The following LAMB1 variants were observed in gnomAD, a reference collection of about 807,000 sequenced individuals.
The protein encoded by LAMB1 is laminin subunit beta-1.
Under a neutral mutation model 222.3 loss-of-function variants are expected in LAMB1, and 121 were observed. The observed-to-expected ratio is 0.54, with a 90% CI of 0.47 to 0.63. The LOEUF (loss-of-function observed/expected upper bound fraction) is 0.63. Among genes scored for constraint, LAMB1 ranks in the 30% least tolerant of loss-of-function variants. The probability of loss-of-function intolerance (pLI) is 0.00; values close to 1 mark genes in which losing one functional copy is unlikely to be tolerated. For synonymous variants in LAMB1, 794 were observed against 807.2 expected, an observed-to-expected ratio of 0.98 and a Z score of 0.28; for missense variants, 2,172 against 2,240.8, an observed-to-expected ratio of 0.97 and a Z score of 0.62.
intron 24 of LAMB1, among the ~76,000 whole-genome samples, chr7:107,945,446 A>G (rs1345548330): frequency 6.6e-6 from 1 of 152,206 alleles, no homozygotes. Flanking sequence ...GCTTCACACA[A>G]TCTGGTGAAA....
chr7:107,932,189 T>G lies in LAMB1; in HGVS notation c.4377A>C (p.Glu1459Asp), dbSNP rs1187422133. ...ACTGAGTTACCATCTTGGAGAGCTGTTCCACTTCAGCCAGGGCACTCAGGA... is the reference window on the plus strand; with the variant it reads ...ACTGAGTTACCATCTTGGAGAGCTGGTCCACTTCAGCCAGGGCACTCAGGA... ...QDVLSALAEVEQLSKMVSEAK... is the reference protein window; with the variant it reads ...QDVLSALAEVDQLSKMVSEAK... The change falls in exon 28 of 34, where the codon GAA (glutamate) becomes GAC (aspartate). Residue 1459 changes from glutamate (E) to aspartate (D), a missense_variant. Physicochemically the swap from Glu to Asp is conservative, Grantham distance 45. Coordinates refer to ENST00000222399, the MANE Select transcript of LAMB1 (RefSeq NM_002291.3). 6.2e-7 allele frequency: 1 copy of G among 1,614,244 alleles called. No homozygotes were observed. The highest frequency in any genetic ancestry group is 8.5e-7 in the Non-Finnish European group (1 of 1,180,042).
In LAMB1 at chr7:107,940,123, G is replaced by T. The variant is rs1390718486; in HGVS notation, c.3627C>A (p.Ile1209=). 6.2e-7 allele frequency: 1 copy of T among 1,614,088 alleles called. No individual in the cohort carries two copies. Among genetic ancestry groups the T allele is most frequent in the Non-Finnish European group, 8.5e-7 (1 of 1,180,020 alleles). The change falls in exon 25 of 34, where the codon ATC becomes ATA. Residue 1209 remains isoleucine, a synonymous_variant. Coordinates refer to ENST00000222399, the MANE Select transcript of LAMB1 (RefSeq NM_002291.3). The stretch of plus-strand genomic sequence containing the variant: ...CACGGTAAGGCCCGATCACACCACT[G>T]ATCTTCAAGGCCTTGGCTTTCTCCA... The part of the protein sequence containing the change: ...RFLEKAKALK[I]SGVIGPYRET...
At chr7:107,987,855 G>A (rs1563006343) in intron 5 of LAMB1, among the ~76,000 whole-genome samples, 3 of 152,138 alleles carry the variant, frequency 2.0e-5, no homozygotes, top group Non-Finnish European at 2.9e-5. Flanking sequence ...GGGTGGAGGC[G>A]GCTGCACGTG....
Position 107,926,376 on chromosome 7 carries a change from T to C in LAMB1, c.4888-17A>G, listed in dbSNP as rs1195319284. ...AGACTCAATCTAAAAGCATGTCAAT[T>C]TTCCAGCAAGACATTAGTTTAAGAA... On this transcript the variant is annotated splice_polypyrimidine_tract_variant and intron_variant, in intron 31 of 33. Transcript: ENST00000222399. 1 of 1,607,890 alleles carries C rather than the reference T, an allele frequency of 6.2e-7. No homozygotes were observed. Among genetic ancestry groups the C allele is most frequent in the African/African-American group, 1.3e-5 (1 of 74,858 alleles).
At chr7:108,001,429 C>A in intron 3 of LAMB1, 129 bp downstream of exon 3, 1 of 1,037,416 alleles carries the variant, frequency 9.6e-7, no homozygotes, top group South Asian at 1.7e-5. Flanking sequence ...AGCCTAATCC[C>A]GGGACTCCCC....
chr7:107,958,088 G>A (rs2033415447), intron 20 of LAMB1, among the ~76,000 whole-genome samples: 1 of 152,032 alleles, frequency 6.6e-6, no homozygotes, highest in Admixed American at 6.5e-5. Context: ...TCTGCTCCCT[G>A]TTAATCTTTT....
At chr7:107,939,549 T>C (rs2032931326) in intron 25 of LAMB1, among the ~76,000 whole-genome samples, 1 of 152,186 alleles carries the variant, frequency 6.6e-6, no homozygotes, top group Non-Finnish European at 1.5e-5. Context: ...TATAAATCCT[T>C]TCATTACTTC....
In LAMB1 at chr7:107,926,346, G is replaced by GTTTCA. The variant is rs1392465205; in HGVS notation, c.4896_4900dup (p.Thr1634MetfsTer20). On this transcript the variant is annotated frameshift_variant, in exon 32 of 34. Coordinates refer to ENST00000222399, the MANE Select transcript of LAMB1 (RefSeq NM_002291.3). LOFTEE classifies it high-confidence loss of function. ...GAACAAGGTTTCCTCAGAAGCTGCT[G>GTTTCA]TTTCAGACTCAATCTAAAAGCATGT... The GTTTCA allele has an allele frequency of 1.2e-6, 2 of 1,613,524 alleles. No individual in the cohort carries two copies. Among genetic ancestry groups the GTTTCA allele is most frequent in the Non-Finnish European group, 1.7e-6 (2 of 1,179,614 alleles).
intron 25 of LAMB1, among the ~76,000 whole-genome samples, chr7:107,937,660 T>C (rs2032879161): frequency 6.6e-6 from 1 of 152,146 alleles, no homozygotes; most frequent in Admixed American, 6.5e-5. Context: ...GTTATACAAT[T>C]AGGCCTCCCA....
At chr7:107,949,302 G>A (rs546101115) in intron 24 of LAMB1, among the ~76,000 whole-genome samples, 13 of 152,332 alleles carry the variant, frequency 8.5e-5, no homozygotes, top group African/African-American at 2.2e-4. Context: ...TCTGACTCTG[G>A]GTAGCAGGCC....
In LAMB1 at chr7:107,962,707, C is replaced by CA. The variant is rs57580761; in HGVS notation, c.1857+197dup. Among the ~76,000 whole-genome samples the CA allele has an allele frequency of 0.013, 1,259 of 98,432 alleles. 12 individuals carry two copies. The highest frequency in any genetic ancestry group is 0.017 in the African/African-American group (485 of 28,228). The allele number at this position is 98,432 out of a possible 152,430, so 64.6% of individuals were successfully genotyped here. A position where few individuals can be genotyped will look rare whatever the true frequency, so the allele number is the denominator to read the frequency against. The stretch of plus-strand genomic sequence containing the variant: ...CCAGCCTGGACAACAGAGCGAGACT[C>CA]AAAAAAAAAAAAAAAAAAGAAAGAA... On this transcript the variant is annotated intron_variant, in intron 15 of 33. Transcript: ENST00000222399.
At position 107,961,334 on chromosome 7, in the gene LAMB1, C is replaced by T. The variant is rs746084601; in HGVS notation, c.1986-5G>A. ...GGCCGAGGAAGGACGACATATCTGC[C>T]CCCAAACAAAAAAGAAAGACAACAA... On this transcript the variant is annotated splice_region_variant and splice_polypyrimidine_tract_variant and intron_variant, in intron 16 of 33. Transcript: ENST00000222399. 8 of 1,608,410 alleles carry T rather than the reference C, an allele frequency of 5.0e-6. No individual in the cohort carries two copies. In the South Asian group the frequency reaches 7.8e-5, roughly 16 times the overall value.
chr7:107,985,927 A>G, intron 7 of LAMB1, 95 bp downstream of exon 7: 2 of 967,958 alleles, frequency 2.1e-6, no homozygotes, highest in Non-Finnish European at 3.2e-6. Context: ...ATTGCACTCC[A>G]GCCTGGGCAA....
chr7:107,956,348 C>T (rs2033376160), intron 20 of LAMB1, among the ~76,000 whole-genome samples: 1 of 152,250 alleles, frequency 6.6e-6, no homozygotes, highest in Non-Finnish European at 1.5e-5. Flanking sequence ...TAGCTTCAAT[C>T]ACAATCACCT....
At chr7:107,998,299 G>A in intron 4 of LAMB1, 58 bp downstream of exon 4, 1 of 1,568,882 alleles carries the variant, frequency 6.4e-7, no homozygotes, top group South Asian at 1.1e-5. Flanking sequence ...GAACCTGTAA[G>A]CTCCACCCAA....
intron 27 of LAMB1, among the ~76,000 whole-genome samples, chr7:107,932,850 G>A (rs2032746520): frequency 6.6e-6 from 1 of 152,180 alleles, no homozygotes; most frequent in Non-Finnish European, 1.5e-5. Flanking sequence ...TTCCCATCTA[G>A]TTAGGACTGG....
rs145328837 is a variant in LAMB1 at position 107,952,168 on chromosome 7, G to A, written c.3135C>T (p.Cys1045=). ...ACTGACCAGTGGCTTTGTCGCACTG[G>A]CAGTCAGAGCCGTTACAGTGCTCTT... ...TVQEHCNGSD[C]QCDKATGQCL... is the part of the protein sequence containing the mutation. Residue 1045 remains cysteine, a synonymous_variant, in exon 23 of 34, where the codon TGC becomes TGT. Transcript: ENST00000222399. The A allele has an allele frequency of 5.4e-5, 87 of 1,613,384 alleles. No individual in the cohort carries two copies. In the African/African-American group the frequency reaches 1.1e-3, roughly 20 times the overall value.
intron 4 of LAMB1, among the ~76,000 whole-genome samples, chr7:107,995,296 T>C (rs932257523): frequency 1.5e-4 from 23 of 152,228 alleles, no homozygotes; most frequent in African/African-American, 5.3e-4. Flanking sequence ...CCCAACCCTC[T>C]AAGCCAAGCT....
Position 107,955,610 on chromosome 7 carries a change from C to A in LAMB1, c.2711G>T (p.Gly904Val). Residue 904 changes from glycine (G) to valine (V), a missense_variant, in exon 21 of 34, where the codon GGC becomes GTC. Coordinates refer to ENST00000222399, the MANE Select transcript of LAMB1 (RefSeq NM_002291.3). The part of the protein sequence containing the change: ...NCERCLAGYY[G>V]DPIIGSGDHC... The stretch of plus-strand genomic sequence containing the variant: ...ATCTCCTGACCCAATGATGGGGTCG[C>A]CATAGTAACCAGCCAAGCACCTGCA... The A allele has an allele frequency of 6.2e-7, 1 of 1,613,216 alleles. No homozygotes were observed. Among genetic ancestry groups the A allele is most frequent in the Non-Finnish European group, 8.5e-7 (1 of 1,179,646 alleles).
Sources: allele counts gnomAD v4.1 joint callset (sites outside exome capture counted in the v4.1 genomes callset), GRCh38; gene constraint gnomAD v4.1.1; transcripts MANE v1.5; gene names NCBI Gene and HGNC (gene_info 2026-07-23, HGNC 2026-07-21).